PPP3CA: variants seen among roughly 807,000 people sequenced by gnomAD.
PPP3CA encodes protein phosphatase 3 catalytic subunit alpha, also known as CAM-PRP catalytic subunit.
A neutral mutation model predicts 66.5 loss-of-function variants in PPP3CA; 14 were observed. The observed-to-expected ratio is 0.21, with a 90% CI of 0.14 to 0.33. The LOEUF (loss-of-function observed/expected upper bound fraction) is 0.33, where lower values mean the gene tolerates loss of function less well. Among genes scored for constraint, PPP3CA ranks in the 10% least tolerant of loss-of-function variants. The pLI, the probability that PPP3CA is intolerant of heterozygous loss-of-function variation, is 1.00. For synonymous variants in PPP3CA, 232 were observed against 226.2 expected, an observed-to-expected ratio of 1.03 and a Z score of -0.23; for missense variants, 317 against 639.5, an observed-to-expected ratio of 0.50 and a Z score of 5.44.
At chr4:101,193,561 A>G (rs1181120166) in intron 2 of PPP3CA, among the ~76,000 whole-genome samples, 1 of 151,860 alleles carries the variant, frequency 6.6e-6, no homozygotes, top group Non-Finnish European at 1.5e-5. Context: ...TTGCTCACCT[A>G]TCTAAATCCA....
intron 2 of PPP3CA, among the ~76,000 whole-genome samples, chr4:101,114,522 C>G (rs192752131): frequency 6.6e-6 from 1 of 152,178 alleles, no homozygotes; most frequent in East Asian, 1.9e-4. Flanking sequence ...AGTCGGGTCA[C>G]TCAGCAGTTC....
chr4:101,102,293 G>T (rs1297914806), intron 3 of PPP3CA, among the ~76,000 whole-genome samples: 1 of 151,276 alleles, frequency 6.6e-6, no homozygotes, highest in Non-Finnish European at 1.5e-5. Flanking sequence ...AGGGAGAGAG[G>T]GAGGGGAGAG....
At chr4:101,077,716 A>C (rs1729251368) in intron 8 of PPP3CA, among the ~76,000 whole-genome samples, 1 of 152,190 alleles carries the variant, frequency 6.6e-6, no homozygotes, top group Non-Finnish European at 1.5e-5. Context: ...AGGGGTTCCC[A>C]AAATGAAACA....
intron 2 of PPP3CA, among the ~76,000 whole-genome samples, chr4:101,189,287 T>C (rs185910348): frequency 1.8e-4 from 28 of 152,286 alleles, no homozygotes; most frequent in East Asian, 1.3e-3. Context: ...CGTGCAGTTA[T>C]ACTAAAATTA....
At chr4:101,121,605 G>T (rs1305084952) in intron 2 of PPP3CA, among the ~76,000 whole-genome samples, 1 of 151,880 alleles carries the variant, frequency 6.6e-6, no homozygotes, top group Non-Finnish European at 1.5e-5. Context: ...CATAAACTAG[G>T]ATATTTTATT....
chr4:101,051,586 A>T (rs1258352650), intron 10 of PPP3CA, among the ~76,000 whole-genome samples: 1 of 152,118 alleles, frequency 6.6e-6, no homozygotes, highest in African/African-American at 2.4e-5. Flanking sequence ...TCACATGCCA[A>T]TTATCTCAAC....
chr4:101,050,026 G>C (rs1727941847), intron 10 of PPP3CA, among the ~76,000 whole-genome samples: 1 of 152,056 alleles, frequency 6.6e-6, no homozygotes, highest in South Asian at 2.1e-4. Context: ...TTTTGCCCAA[G>C]AAGGAGAAGT....
intron 2 of PPP3CA, among the ~76,000 whole-genome samples, chr4:101,156,477 T>C (rs1468449821): frequency 6.6e-6 from 1 of 152,176 alleles, no homozygotes; most frequent in Non-Finnish European, 1.5e-5. Flanking sequence ...AGTCGGGAGT[T>C]CGAGACCAGC....
At chr4:101,217,107 A>G (rs934891726) in intron 1 of PPP3CA, among the ~76,000 whole-genome samples, 6 of 152,152 alleles carry the variant, frequency 3.9e-5, no homozygotes, top group Non-Finnish European at 1.5e-5. Context: ...TGTTGAAGAA[A>G]TGAGCCACAG....
intron 1 of PPP3CA, among the ~76,000 whole-genome samples, chr4:101,248,164 CA>C (rs1207789358): frequency 2.0e-5 from 3 of 152,100 alleles, no homozygotes; most frequent in Non-Finnish European, 4.4e-5. Flanking sequence ...ACTACATGAC[CA>C]ATACTTCGTT....
chr4:101,112,482 T>C (rs1380984781), intron 2 of PPP3CA, among the ~76,000 whole-genome samples: 2 of 152,198 alleles, frequency 1.3e-5, no homozygotes, highest in African/African-American at 4.8e-5. Flanking sequence ...TCACTGACTT[T>C]ACCTTAGAAT....
At position 101,025,853 on chromosome 4, in the gene PPP3CA, AAC is replaced by A; in HGVS notation, c.*10_*11del. The A allele has an allele frequency of 7.6e-7, 1 of 1,323,776 alleles. No homozygotes were observed. The highest frequency in any genetic ancestry group is 2.6e-5 in the East Asian group (1 of 38,894). The allele number at this position is 1,323,776 out of a possible 1,614,324, so 82.0% of individuals were successfully genotyped here. On this transcript the variant is annotated 3_prime_UTR_variant, in exon 14 of 14. Coordinates refer to ENST00000394854, the MANE Select transcript of PPP3CA (RefSeq NM_000944.5). ...AAAAAAAAAAAAAAAAAAAAAAGTG[AAC>A]AGGAAGTGGTCACTGAATATTGCTG...
intron 1 of PPP3CA, among the ~76,000 whole-genome samples, chr4:101,323,593 C>A (rs78215415): frequency 0.013 from 1,938 of 152,302 alleles, 49 homozygotes; most frequent in African/African-American, 0.044. Context: ...CCTAAATAAT[C>A]TCTCAGATGT....
At chr4:101,092,333 G>A (rs1729989574) in intron 6 of PPP3CA, among the ~76,000 whole-genome samples, 1 of 151,788 alleles carries the variant, frequency 6.6e-6, no homozygotes, top group East Asian at 1.9e-4. Flanking sequence ...ATGTAAAGTT[G>A]TTTTTCTGAT....
At chr4:101,225,724 T>C (rs955151072) in intron 1 of PPP3CA, among the ~76,000 whole-genome samples, 2 of 151,678 alleles carry the variant, frequency 1.3e-5, no homozygotes, top group Admixed American at 6.6e-5. Flanking sequence ...ACATAAAATA[T>C]ACTTAAGAAA....
chr4:101,236,287 T>TA (rs1726128324), intron 1 of PPP3CA, among the ~76,000 whole-genome samples: 1 of 95,506 alleles, frequency 1.0e-5, no homozygotes, highest in Admixed American at 9.1e-5. Context: ...GAGAAAAACA[T>TA]AGTCATGTGA....
chr4:101,136,298 T>C (rs1485903463), intron 2 of PPP3CA, among the ~76,000 whole-genome samples: 1 of 152,152 alleles, frequency 6.6e-6, no homozygotes, highest in African/African-American at 2.4e-5. Context: ...CCCAGCAATT[T>C]GGGAGGCTGA....
intron 1 of PPP3CA, among the ~76,000 whole-genome samples, chr4:101,338,382 T>G (rs541300394): frequency 1.3e-5 from 2 of 152,374 alleles, no homozygotes; most frequent in African/African-American, 4.8e-5. Context: ...GATCACGATT[T>G]AAGATTGACA....
intron 11 of PPP3CA, among the ~76,000 whole-genome samples, chr4:101,035,204 G>C (rs1727186695): frequency 6.6e-6 from 1 of 152,164 alleles, no homozygotes; most frequent in African/African-American, 2.4e-5. Flanking sequence ...AGGAGGTGGA[G>C]GTTGCAGTGA....
Sources: gnomAD v4.1 joint callset for allele counts (sites outside exome capture counted in the v4.1 genomes callset) on GRCh38, gnomAD v4.1.1 for gene constraint, MANE v1.5 for transcripts, NCBI Gene and HGNC (gene_info 2026-07-23, HGNC 2026-07-21) for gene names.